ANKS1A: variants seen among roughly 807,000 people sequenced by gnomAD.
ANKS1A encodes ankyrin repeat and sterile alpha motif domain containing 1A.
Under a neutral mutation model 120.3 loss-of-function variants are expected in ANKS1A, and 55 were observed. The observed-to-expected ratio is 0.46, with a 90% CI of 0.37 to 0.57. The LOEUF is 0.57. ANKS1A is among the 20% of genes least tolerant of loss of function. ANKS1A has a pLI of 0.00. For missense variants in ANKS1A, 1,123 were observed against 1,480.3 expected (o/e 0.76, Z 3.96); for synonymous variants, 590 against 604.7 (o/e 0.98, Z 0.36).
chr6:35,045,545 C>G (rs1775677761), intron 11 of ANKS1A, among the ~76,000 whole-genome samples: 1 of 152,222 alleles, frequency 6.6e-6, no homozygotes, highest in African/African-American at 2.4e-5. Context: ...CACTGCCTTT[C>G]CAATGTTCTC....
At chr6:34,951,990 A>C (rs1396581098) in intron 1 of ANKS1A, among the ~76,000 whole-genome samples, 1 of 152,218 alleles carries the variant, frequency 6.6e-6, no homozygotes, top group Non-Finnish European at 1.5e-5. Context: ...GAAATGAAAG[A>C]ATATGAGCTG....
chr6:34,987,784 T>C (rs1399162119), intron 8 of ANKS1A, among the ~76,000 whole-genome samples: 3 of 152,262 alleles, frequency 2.0e-5, no homozygotes, highest in Admixed American at 2.0e-4. Context: ...ATGCAGATTT[T>C]GCTTGAGCTC....
intron 1 of ANKS1A, among the ~76,000 whole-genome samples, chr6:34,913,845 C>G (rs1176038758): frequency 6.6e-6 from 1 of 152,094 alleles, no homozygotes; most frequent in African/African-American, 2.4e-5. Context: ...GTTGGCCACA[C>G]TGGAAGTGAT....
intron 12 of ANKS1A, among the ~76,000 whole-genome samples, chr6:35,059,664 C>T (rs182043200): frequency 5.3e-4 from 81 of 152,322 alleles, no homozygotes; most frequent in African/African-American, 1.8e-3. Flanking sequence ...CCCCTCGCCA[C>T]GGCCCCACAG....
chr6:35,080,944 G>A lies in ANKS1A; in HGVS notation c.2545-50G>A, dbSNP rs117233698. ...GTGGGGCTGGCTGATACCTGTAGTC[G>A]GGCACTGGGCCGAGGGTTGCAAGTT... is the stretch of plus-strand genomic sequence containing the variant. On this transcript the variant is annotated intron_variant, in intron 16 of 23. Coordinates refer to ENST00000360359, the MANE Select transcript of ANKS1A (RefSeq NM_015245.3). The A allele has an allele frequency of 1.5e-3, 2,347 of 1,584,796 alleles. 63 individuals are homozygous for A. In the East Asian group the frequency reaches 0.05, roughly 34 times the overall value.
Position 35,090,122 on chromosome 6 carries a change from TG to T in ANKS1A, c.*1516del. The T allele has an allele frequency of 7.8e-7, 1 of 1,289,408 alleles. No homozygotes were observed. 79.9% of individuals were successfully genotyped at this position (1,289,408 alleles called of 1,614,324 possible). A position where few individuals can be genotyped will look rare whatever the true frequency, so the allele number is the denominator to read the frequency against. ...GCTAAGCACCCAGCAGGTTGGGGCC[TG>T]GGACTCAGCTCTCTCTGCGGTAGAG... On this transcript the variant is annotated 3_prime_UTR_variant, in exon 24 of 24. Coordinates refer to ENST00000360359, the MANE Select transcript of ANKS1A (RefSeq NM_015245.3).
chr6:35,063,207 T>TGCCA lies in ANKS1A; in HGVS notation c.2184+2966_2184+2969dup, dbSNP rs1002844552. 3.1e-4 allele frequency among the ~76,000 whole-genome samples: 47 copies of TGCCA among 152,334 alleles called. 2 individuals are homozygous for TGCCA. The highest frequency in any genetic ancestry group is 2.9e-3 in the Admixed American group (44 of 15,298). ...GAGAGGGAAACGTGGCTCACACATC[T>TGCCA]GCCAGCCAGCCAGCCCACGAGCCCA... On this transcript the variant is annotated intron_variant, in intron 13 of 23. Transcript: ENST00000360359.
intron 11 of ANKS1A, among the ~76,000 whole-genome samples, chr6:35,020,450 G>GTGGA (rs1774276049): frequency 6.6e-6 from 1 of 152,148 alleles, no homozygotes. Context: ...CCAATCCCTA[G>GTGGA]TGGATACTGA....
At position 35,077,861 on chromosome 6, in the gene ANKS1A, T is replaced by G. The variant is rs544277522; in HGVS notation, c.2185-697T>G. ...GAAGTGGGATGCGCCAGGTGAAAGC[T>G]CTCGGCCCTGTCATATAGTAAGAAA... On this transcript the variant is annotated intron_variant, in intron 13 of 23. Transcript: ENST00000360359. Among the ~76,000 whole-genome samples the G allele has an allele frequency of 1.0e-3, 154 of 152,274 alleles. 1 individual carries two copies. The highest frequency in any genetic ancestry group is 3.4e-3 in the African/African-American group (142 of 41,554).
At chr6:35,033,802 G>C (rs72896254) in intron 11 of ANKS1A, among the ~76,000 whole-genome samples, 1 of 152,122 alleles carries the variant, frequency 6.6e-6, no homozygotes, top group Non-Finnish European at 1.5e-5. Flanking sequence ...ATGCATTAAC[G>C]TCTCTCTGTG....
downstream of ANKS1A, among the ~76,000 whole-genome samples, chr6:35,095,975 C>T (rs1442552484): frequency 2.0e-5 from 3 of 152,216 alleles, no homozygotes; most frequent in Non-Finnish European, 4.4e-5. Flanking sequence ...CATGTATTCC[C>T]ATTGCAATAC....
At chr6:34,967,152 T>A in intron 1 of ANKS1A, 87 bp from the exon 2 acceptor site, 2 of 1,323,278 alleles carry the variant, frequency 1.5e-6, no homozygotes, top group Non-Finnish European at 2.1e-6. Context: ...CACAGAAATC[T>A]TTACTAATTA....
chr6:34,995,539 A>G (rs1007920054), intron 10 of ANKS1A, among the ~76,000 whole-genome samples: 12 of 152,130 alleles, frequency 7.9e-5, no homozygotes, highest in African/African-American at 1.4e-4. Flanking sequence ...TTCATCCCCA[A>G]AATTTTTCCA....
chr6:34,909,149 T>C (rs1176246095), intron 1 of ANKS1A, among the ~76,000 whole-genome samples: 1 of 152,152 alleles, frequency 6.6e-6, no homozygotes, highest in Non-Finnish European at 1.5e-5. Flanking sequence ...TGGGGACATG[T>C]TTCTTTTTCT....
At chr6:35,029,701 A>G (rs1235171358) in intron 11 of ANKS1A, among the ~76,000 whole-genome samples, 3 of 149,320 alleles carry the variant, frequency 2.0e-5, no homozygotes, top group Non-Finnish European at 4.4e-5. Context: ...CTCTAAGATT[A>G]CAAATATATG....
At position 35,060,941 on chromosome 6, in the gene ANKS1A, G is replaced by A. The variant is rs550498081; in HGVS notation, c.2184+688G>A. Among the ~76,000 whole-genome samples, 7 of 152,324 alleles carry A rather than the reference G, an allele frequency of 4.6e-5. No individual in the cohort carries two copies. In the East Asian group the frequency reaches 1.4e-3, roughly 29 times the overall value. ...AGCTCTGATCAGGGTACCTGTCACT[G>A]TCCCTCTCTTGGAAGCCCTTCTAGA... On this transcript the variant is annotated intron_variant, in intron 13 of 23. Coordinates refer to ENST00000360359, the MANE Select transcript of ANKS1A (RefSeq NM_015245.3). This position sits in a 1 kb window ranked among gnomAD's most constrained non-coding sequence, Gnocchi z 4.5.
intron 5 of ANKS1A, 36 bp from the exon 6 acceptor site, chr6:34,983,077 G>C: frequency 6.3e-7 from 1 of 1,591,946 alleles, no homozygotes; most frequent in Non-Finnish European, 8.6e-7. Context: ...GCTTGAAAAT[G>C]CTCACTCCCC....
At chr6:35,077,498 C>T (rs566929566) in intron 13 of ANKS1A, among the ~76,000 whole-genome samples, 6 of 152,184 alleles carry the variant, frequency 3.9e-5, no homozygotes, top group Non-Finnish European at 7.3e-5. Flanking sequence ...CCTGTCTGTG[C>T]CCAGCGGGGC....
intron 13 of ANKS1A, among the ~76,000 whole-genome samples, chr6:35,062,625 C>CT (rs1303193729): frequency 6.6e-6 from 1 of 152,164 alleles, no homozygotes; most frequent in Non-Finnish European, 1.5e-5. Flanking sequence ...CATGGTGTTG[C>CT]TGTGGGATCT....
Sources: allele counts gnomAD v4.1 joint callset (sites outside exome capture counted in the v4.1 genomes callset), GRCh38; gene constraint gnomAD v4.1.1; non-coding constraint Gnocchi (gnomAD v3.1); transcripts MANE v1.5; gene names NCBI Gene and HGNC (gene_info 2026-07-23, HGNC 2026-07-21).